Variants in ARID4B observed in about 807,000 individuals in gnomAD.
The protein encoded by ARID4B is AT-rich interaction domain 4B, also known as AT-rich interactive domain-containing protein 4B.
A neutral mutation model predicts 147.5 loss-of-function variants in ARID4B; 26 were observed. The ratio of observed to expected loss-of-function variants is 0.18; its 90% CI spans 0.13 to 0.24. The LOEUF (loss-of-function observed/expected upper bound fraction) is 0.24, where lower values mean the gene tolerates loss of function less well. ARID4B is among the 10% of genes least tolerant of loss of function. The probability of loss-of-function intolerance (pLI) is 1.00; values close to 1 mark genes in which losing one functional copy is unlikely to be tolerated. For synonymous variants in ARID4B, 512 were observed against 507.9 expected, an observed-to-expected ratio of 1.01 and a Z score of -0.11; for missense variants, 1,179 against 1,511.5, an observed-to-expected ratio of 0.78 and a Z score of 3.65.
At chr1:235,305,900 C>T (rs1673508686) in intron 2 of ARID4B, among the ~76,000 whole-genome samples, 1 of 152,190 alleles carries the variant, frequency 6.6e-6, no homozygotes, top group Non-Finnish European at 1.5e-5. Context: ...GTCAAGGTTA[C>T]AGTCAGCCAT....
intron 2 of ARID4B, among the ~76,000 whole-genome samples, chr1:235,311,269 C>T (rs948714903): frequency 6.6e-6 from 1 of 151,560 alleles, no homozygotes; most frequent in South Asian, 2.1e-4. Context: ...GGGAGGATCG[C>T]TTGAGCCCAG....
chr1:235,316,751 G>A (rs1216275589), intron 2 of ARID4B, among the ~76,000 whole-genome samples: 5 of 146,810 alleles, frequency 3.4e-5, no homozygotes, highest in African/African-American at 1.3e-4. Context: ...TCCGGGAGCC[G>A]AGTGTTGCAG....
intron 19 of ARID4B, among the ~76,000 whole-genome samples, chr1:235,189,798 T>TG (rs1422296834): frequency 6.6e-6 from 1 of 151,916 alleles, no homozygotes; most frequent in Non-Finnish European, 1.5e-5. Context: ...CCTAGCACTT[T>TG]GGGAGGCTGA....
intron 2 of ARID4B, 96 bp from the exon 3 acceptor site, chr1:235,260,848 C>A: frequency 1.3e-6 from 1 of 781,570 alleles, no homozygotes; most frequent in Admixed American, 3.2e-5. Flanking sequence ...TAAGCTACAA[C>A]AGTTATAAAT....
At chr1:235,270,140 G>A (rs1052669141) in intron 2 of ARID4B, among the ~76,000 whole-genome samples, 5 of 152,000 alleles carry the variant, frequency 3.3e-5, no homozygotes, top group East Asian at 1.9e-4. Flanking sequence ...AAAATTAGCC[G>A]GGCGTCATGA....
intron 2 of ARID4B, among the ~76,000 whole-genome samples, chr1:235,317,567 T>C (rs1674527133): frequency 6.6e-6 from 1 of 152,226 alleles, no homozygotes; most frequent in South Asian, 2.1e-4. Flanking sequence ...CTGACCTTAG[T>C]AGACCTGCTT....
At chr1:235,246,692 T>C (rs865880782) in intron 6 of ARID4B, among the ~76,000 whole-genome samples, 181 bp from the exon 7 acceptor site, 8 of 152,036 alleles carry the variant, frequency 5.3e-5, no homozygotes, top group African/African-American at 1.4e-4. Context: ...AGAATAAAGA[T>C]GAATGAGCTC....
intron 7 of ARID4B, among the ~76,000 whole-genome samples, chr1:235,243,535 G>A (rs1212372502): frequency 1.3e-5 from 2 of 152,042 alleles, no homozygotes; most frequent in African/African-American, 2.4e-5. Flanking sequence ...CTAATTACAT[G>A]GAAATTTTTA....
chr1:235,188,370 C>T (rs895375999), intron 19 of ARID4B, among the ~76,000 whole-genome samples: 3 of 152,140 alleles, frequency 2.0e-5, no homozygotes, highest in Non-Finnish European at 2.9e-5. Context: ...TCAATAATTA[C>T]TGACTGCCCT....
At chr1:235,318,880 CA>C (rs914308995) in intron 2 of ARID4B, among the ~76,000 whole-genome samples, 1 of 148,930 alleles carries the variant, frequency 6.7e-6, no homozygotes, top group Non-Finnish European at 1.5e-5. Flanking sequence ...AAACTCTTCT[CA>C]AAAAAAAAAT....
At chr1:235,203,693 T>G (rs1666103432) in intron 17 of ARID4B, among the ~76,000 whole-genome samples, 1 of 152,156 alleles carries the variant, frequency 6.6e-6, no homozygotes, top group South Asian at 2.1e-4. Flanking sequence ...ATTAACTTAC[T>G]TAGTTTTTAA....
At chr1:235,303,174 C>G (rs1036666407) in intron 2 of ARID4B, among the ~76,000 whole-genome samples, 1 of 152,140 alleles carries the variant, frequency 6.6e-6, no homozygotes, top group African/African-American at 2.4e-5. Context: ...CCGCCTGCCT[C>G]GGCCTCCCAG....
chr1:235,219,070 G>A, intron 16 of ARID4B, among the ~76,000 whole-genome samples: 1 of 151,874 alleles, frequency 6.6e-6, no homozygotes, highest in Admixed American at 6.6e-5. Context: ...CGGTATGTTG[G>A]CCAGGCTGGT....
chr1:235,274,993 TTGTG>T lies in ARID4B; in HGVS notation c.7-14245_7-14242del, dbSNP rs72168611. Among the ~76,000 whole-genome samples the T allele has an allele frequency of 1.4e-3, 213 of 148,486 alleles. 2 individuals carry two copies. Among genetic ancestry groups the T allele is most frequent in the East Asian group, 6.9e-3 (35 of 5,062 alleles). On this transcript the variant is annotated intron_variant, in intron 2 of 23. Coordinates refer to ENST00000264183, the MANE Select transcript of ARID4B (RefSeq NM_016374.6). Reference sequence around the variant, plus strand: ...GGAAAATCCAACACTAGGCCTAATTTTGTGTGTGTGTGTGTGTGTGTGTGTGTGT... The same window carrying T: ...GGAAAATCCAACACTAGGCCTAATTTTGTGTGTGTGTGTGTGTGTGTGTGT...
chr1:235,222,826 G>C (rs553051220), intron 13 of ARID4B, among the ~76,000 whole-genome samples: 44 of 152,068 alleles, frequency 2.9e-4, no homozygotes, highest in African/African-American at 7.5e-4. Flanking sequence ...GGGATTACAA[G>C]CGTGCGTCAC....
intron 2 of ARID4B, among the ~76,000 whole-genome samples, chr1:235,316,869 A>T (rs2103294377): frequency 8.7e-6 from 1 of 115,264 alleles, no homozygotes; most frequent in South Asian, 2.4e-4. Context: ...CATACGTAAA[A>T]CACAAAAAAT....
At position 235,213,924 on chromosome 1, in the gene ARID4B, C is replaced by T. The variant is rs1468076412; in HGVS notation, c.1686G>A (p.Glu562=). ...EEDEDDDDNN[E]EEEFECYPPG... is the part of the protein sequence containing the mutation. The stretch of plus-strand genomic sequence containing the variant: ...GTGGATAGCACTCAAACTCCTCTTC[C>T]TCATTGTTGTCATCATCATCTTCAT... The change falls in exon 17 of 24, where the codon GAG becomes GAA. Residue 562 remains glutamate, a synonymous_variant. Coordinates refer to ENST00000264183, the MANE Select transcript of ARID4B (RefSeq NM_016374.6). The T allele has an allele frequency of 8.7e-6, 14 of 1,613,860 alleles. No homozygotes were observed. The East Asian group carries it at 3.1e-4, about 36-fold the overall frequency.
rs1289569697 is a variant in ARID4B at position 235,167,457 on chromosome 1, T to C, written c.*1068A>G. ...ATAAAGTCAATACAAGTGAAAACAA[T>C]TTTGCATTCATTTTGGATTTTATAC... On this transcript the variant is annotated 3_prime_UTR_variant, in exon 24 of 24. Coordinates refer to ENST00000264183, the MANE Select transcript of ARID4B (RefSeq NM_016374.6). The C allele has an allele frequency of 4.5e-6, 1 of 222,474 alleles. No individual in the cohort carries two copies. The highest frequency in any genetic ancestry group is 9.0e-6 in the Non-Finnish European group (1 of 111,214). 13.8% of individuals were successfully genotyped at this position (222,474 alleles called of 1,614,324 possible).
chr1:235,267,252 G>A (rs1233736562), intron 2 of ARID4B, among the ~76,000 whole-genome samples: 3 of 152,000 alleles, frequency 2.0e-5, no homozygotes, highest in Non-Finnish European at 2.9e-5. Context: ...CACTCCAGCC[G>A]GGTTGACAGA....
Sources: allele counts gnomAD v4.1 joint callset (sites outside exome capture counted in the v4.1 genomes callset), GRCh38; gene constraint gnomAD v4.1.1; transcripts MANE v1.5; gene names NCBI Gene and HGNC (gene_info 2026-07-23, HGNC 2026-07-21).